The following PTBP2 variants were observed in gnomAD, a reference collection of about 807,000 sequenced individuals.
The protein encoded by PTBP2 is polypyrimidine tract-binding protein 2.
PTBP2 carries 13 observed loss-of-function variants against 61.4 expected under a neutral mutation model. That is an observed-to-expected ratio of 0.21 (90% confidence interval 0.14 to 0.34). The LOEUF (loss-of-function observed/expected upper bound fraction) is 0.34. PTBP2 is among the 10% of genes least tolerant of loss of function. PTBP2 has a pLI of 1.00. For synonymous variants in PTBP2, 215 were observed against 218.5 expected, an observed-to-expected ratio of 0.98 and a Z score of 0.14; for missense variants, 405 against 642.6, an observed-to-expected ratio of 0.63 and a Z score of 4.00.
At chr1:96,761,521 G>A (rs1031951497) in intron 3 of PTBP2, among the ~76,000 whole-genome samples, 6 of 146,504 alleles carry the variant, frequency 4.1e-5, no homozygotes, top group African/African-American at 1.3e-4. Context: ...AAGATACCAA[G>A]GTCCTGAATT....
intron 8 of PTBP2, among the ~76,000 whole-genome samples, chr1:96,798,118 T>C (rs1426532610): frequency 6.7e-6 from 1 of 150,038 alleles, no homozygotes; most frequent in African/African-American, 2.5e-5. Context: ...TCAGGCGTGG[T>C]GTCTCATGCC....
At chr1:96,740,360 G>A (rs569990790) in intron 2 of PTBP2, among the ~76,000 whole-genome samples, 1 of 152,186 alleles carries the variant, frequency 6.6e-6, no homozygotes, top group South Asian at 2.1e-4. Context: ...CCTTTTCTTT[G>A]TGAGCACACT....
At chr1:96,816,421 A>C (rs1662485655), downstream of PTBP2, 1 of 152,182 alleles carries the variant, frequency 6.6e-6, no homozygotes, top group East Asian at 1.9e-4. Flanking sequence ...TGCTTTGTTA[A>C]TAGAGGTCTT....
At chr1:96,817,002 G>C (rs1307135461), downstream of PTBP2, 1 of 152,114 alleles carries the variant, frequency 6.6e-6, no homozygotes, top group African/African-American at 2.4e-5. Context: ...TCATAAAGCA[G>C]AAAGATGTAA....
At chr1:96,762,631 C>T (rs1238443864) in intron 3 of PTBP2, among the ~76,000 whole-genome samples, 1 of 148,756 alleles carries the variant, frequency 6.7e-6, no homozygotes, top group Non-Finnish European at 1.5e-5. Context: ...GGCAGAGGCG[C>T]CCCTCACCTC....
chr1:96,775,455 A>C (rs1291723034), intron 5 of PTBP2, among the ~76,000 whole-genome samples: 1 of 152,184 alleles, frequency 6.6e-6, no homozygotes. Flanking sequence ...TAGTAATAAA[A>C]ATGAACAAGC....
At chr1:96,747,494 T>G (rs939383812) in intron 2 of PTBP2, among the ~76,000 whole-genome samples, 1 of 152,164 alleles carries the variant, frequency 6.6e-6, no homozygotes, top group Non-Finnish European at 1.5e-5. Flanking sequence ...AAAATTATTT[T>G]TGTGTATTGT....
At chr1:96,738,467 G>A (rs2100840686) in intron 2 of PTBP2, among the ~76,000 whole-genome samples, 1 of 151,406 alleles carries the variant, frequency 6.6e-6, no homozygotes, top group African/African-American at 2.4e-5. Context: ...TAGAGATGGG[G>A]TTTCACCGTG....
chr1:96,782,907 T>C (rs1285026979), intron 7 of PTBP2, among the ~76,000 whole-genome samples: 1 of 152,054 alleles, frequency 6.6e-6, no homozygotes, highest in Non-Finnish European at 1.5e-5. Flanking sequence ...GATTTCCATG[T>C]TTTAGCCATA....
At chr1:96,738,275 G>T (rs1369301802) in intron 2 of PTBP2, among the ~76,000 whole-genome samples, 3 of 151,948 alleles carry the variant, frequency 2.0e-5, no homozygotes, top group Non-Finnish European at 4.4e-5. Flanking sequence ...TGGTTTGATT[G>T]AATTAATAAG....
chr1:96,767,106 A>T (rs995694676), intron 3 of PTBP2, among the ~76,000 whole-genome samples: 25 of 152,108 alleles, frequency 1.6e-4, no homozygotes, highest in Admixed American at 1.0e-3. Flanking sequence ...CATCTTTTCT[A>T]TATTTTTTCC....
chr1:96,762,400 C>G (rs1421210750), intron 3 of PTBP2, among the ~76,000 whole-genome samples: 1 of 146,952 alleles, frequency 6.8e-6, no homozygotes, highest in African/African-American at 2.6e-5. Context: ...GGGGGGCTGA[C>G]CCCCCCACCT....
At position 96,813,677 on chromosome 1, in the gene PTBP2, T is replaced by TCC. The variant is rs1662292806; in HGVS notation, c.*272_*273insCC. Reference sequence around the variant, plus strand: ...TTAATTTTGCTTTTTTTTTTTTTTTTTTTTTCCTTTCAACTTAGTTGACAT... The same window carrying TCC: ...TTAATTTTGCTTTTTTTTTTTTTTTTCCTTTTTCCTTTCAACTTAGTTGACAT... On this transcript the variant is annotated 3_prime_UTR_variant, in exon 14 of 14. Transcript: ENST00000674951. 4.1e-6 allele frequency: 1 copy of TCC among 243,078 alleles called. No homozygotes were observed. Among genetic ancestry groups the TCC allele is most frequent in the Non-Finnish European group, 7.7e-6 (1 of 130,682 alleles). 15.1% of individuals were successfully genotyped at this position (243,078 alleles called of 1,614,324 possible).
intron 2 of PTBP2, among the ~76,000 whole-genome samples, chr1:96,728,406 GA>G (rs1351903146): frequency 5.9e-5 from 9 of 152,196 alleles, no homozygotes; most frequent in Non-Finnish European, 1.2e-4. Flanking sequence ...TTTGCATGGG[GA>G]TATCCAGTGT....
exon 14 of PTBP2, chr1:96,820,213 G>A (rs1662638093): frequency 6.6e-6 from 1 of 151,804 alleles, no homozygotes; most frequent in Non-Finnish European, 1.5e-5. Flanking sequence ...TGGGGGTGGG[G>A]GCAGTTTTTG....
intron 2 of PTBP2, among the ~76,000 whole-genome samples, chr1:96,743,042 T>C (rs1653253825): frequency 6.6e-6 from 1 of 152,128 alleles, no homozygotes; most frequent in Non-Finnish European, 1.5e-5. Context: ...ATCCCAGCAC[T>C]TCGGGAGGCT....
At chr1:96,782,078 C>T (rs1018964418) in intron 7 of PTBP2, among the ~76,000 whole-genome samples, 3 of 151,918 alleles carry the variant, frequency 2.0e-5, no homozygotes, top group Non-Finnish European at 4.4e-5. Context: ...ATTGTTTTTA[C>T]ATAGTCCTTA....
chr1:96,798,168 G>A (rs558898500), intron 8 of PTBP2, among the ~76,000 whole-genome samples: 16 of 152,010 alleles, frequency 1.1e-4, no homozygotes, highest in Non-Finnish European at 1.9e-4. Flanking sequence ...CACTTTGGGA[G>A]GCTAAGGTGG....
chr1:96,763,179 G>T (rs936290400), intron 3 of PTBP2, among the ~76,000 whole-genome samples: 3 of 152,118 alleles, frequency 2.0e-5, no homozygotes, highest in South Asian at 4.1e-4. Flanking sequence ...ACGGGGTGGC[G>T]GCTGGGCAGA....
Sources: gnomAD v4.1 joint callset for allele counts (sites outside exome capture counted in the v4.1 genomes callset) on GRCh38, gnomAD v4.1.1 for gene constraint, MANE v1.5 for transcripts, NCBI Gene and HGNC (gene_info 2026-07-23, HGNC 2026-07-21) for gene names.